The following ADAMTSL1 variants were observed in gnomAD, a reference collection of about 807,000 sequenced individuals.
ADAMTSL1 encodes the protein ADAMTS-like protein 1.
A neutral mutation model predicts 201.8 loss-of-function variants in ADAMTSL1; 126 were observed. The observed-to-expected ratio is 0.62, with a 90% CI of 0.54 to 0.72. ADAMTSL1 has a LOEUF of 0.72. ADAMTSL1 is among the 30% of genes least tolerant of loss of function. The pLI, the probability that ADAMTSL1 is intolerant of heterozygous loss-of-function variation, is 0.00. For missense variants in ADAMTSL1, 2,679 were observed against 2,277.8 expected, an observed-to-expected ratio of 1.18 and a Z score of -3.59; for synonymous variants, 1,121 against 903.4, an observed-to-expected ratio of 1.24 and a Z score of -4.32.
intron 5 of ADAMTSL1, chr9:18,622,737 T>C: frequency 5.3e-6 from 2 of 377,250 alleles, no homozygotes; most frequent in Non-Finnish European, 4.7e-6. Flanking sequence ...AGTGGGAAGA[T>C]AGCACAAATT....
At chr9:18,382,221 A>G (rs1273843451) in intron 2 of ADAMTSL1, among the ~76,000 whole-genome samples, 1 of 152,160 alleles carries the variant, frequency 6.6e-6, no homozygotes, top group Non-Finnish European at 1.5e-5. Context: ...TGGCAAATAC[A>G]AAAGGGTGGC....
At chr9:18,539,287 T>A (rs958051482) in intron 3 of ADAMTSL1, among the ~76,000 whole-genome samples, 3 of 152,190 alleles carry the variant, frequency 2.0e-5, no homozygotes, top group African/African-American at 7.2e-5. Flanking sequence ...CAGCCTGCCC[T>A]TGGGGGAAGT....
Position 18,044,632 on chromosome 9 carries a change from A to G in ADAMTSL1, c.88-119230A>G, listed in dbSNP as rs553653791. 7.9e-5 allele frequency among the ~76,000 whole-genome samples: 12 copies of G among 152,314 alleles called. No individual in the cohort carries two copies. The South Asian group carries it at 2.3e-3, about 29-fold the overall frequency. On this transcript the variant is annotated intron_variant, in intron 1 of 29. Transcript: ENST00000680146. ...TTCAAAGATAAGGAAAACAGTGGATATAGATACATTTGAGTTCAAACTGCC... is the reference window on the plus strand; with the variant it reads ...TTCAAAGATAAGGAAAACAGTGGATGTAGATACATTTGAGTTCAAACTGCC...
At chr9:18,106,594 A>C (rs1376333333) in intron 1 of ADAMTSL1, among the ~76,000 whole-genome samples, 1 of 152,242 alleles carries the variant, frequency 6.6e-6, no homozygotes, top group African/African-American at 2.4e-5. Flanking sequence ...AACTAGAGCC[A>C]ATTCACAATT....
intron 2 of ADAMTSL1, among the ~76,000 whole-genome samples, chr9:18,378,629 C>T (rs546565578): frequency 6.6e-6 from 1 of 152,274 alleles, no homozygotes; most frequent in South Asian, 2.1e-4. Flanking sequence ...AGCCTTTCTC[C>T]TCCTCTACCT....
chr9:18,485,514 G>A (rs1821945592), intron 1 of ADAMTSL1, among the ~76,000 whole-genome samples: 1 of 152,220 alleles, frequency 6.6e-6, no homozygotes, highest in Admixed American at 6.5e-5. Flanking sequence ...CAGAGCAGAG[G>A]ATATGAGTTT....
chr9:18,667,801 C>G (rs530803822), intron 9 of ADAMTSL1, among the ~76,000 whole-genome samples: 1 of 152,204 alleles, frequency 6.6e-6, no homozygotes, highest in Non-Finnish European at 1.5e-5. Context: ...CTGTATGGGT[C>G]TAGAAAGATG....
At chr9:17,952,917 C>CCTCCTCCTCCTCCTCCT (rs1827784270) in intron 1 of ADAMTSL1, among the ~76,000 whole-genome samples, 1 of 145,994 alleles carries the variant, frequency 6.8e-6, no homozygotes, top group Non-Finnish European at 1.5e-5. Flanking sequence ...TTCCTCCTTT[C>CCTCCTCCTCCTCCTCCT]CCTCCTCCTC....
At chr9:18,038,743 C>T (rs1209455638) in intron 1 of ADAMTSL1, among the ~76,000 whole-genome samples, 1 of 152,180 alleles carries the variant, frequency 6.6e-6, no homozygotes, top group Non-Finnish European at 1.5e-5. Context: ...ACCAACTTTT[C>T]ACATGAAGTT....
intron 1 of ADAMTSL1, among the ~76,000 whole-genome samples, chr9:18,009,481 G>A (rs1232910803): frequency 2.0e-5 from 3 of 152,020 alleles, no homozygotes; most frequent in African/African-American, 4.8e-5. Context: ...GCCTGGTGCA[G>A]GGCCAATTAA....
intron 1 of ADAMTSL1, among the ~76,000 whole-genome samples, chr9:17,985,745 T>C (rs1384439174): frequency 6.6e-6 from 1 of 152,146 alleles, no homozygotes; most frequent in Non-Finnish European, 1.5e-5. Flanking sequence ...TCCTTTCATT[T>C]TATAAATGAG....
intron 13 of ADAMTSL1, among the ~76,000 whole-genome samples, chr9:18,699,460 G>A (rs1183984238): frequency 6.6e-6 from 1 of 151,794 alleles, no homozygotes; most frequent in Non-Finnish European, 1.5e-5. Context: ...TGGTCACTGG[G>A]ACTACAGGTG....
intron 23 of ADAMTSL1, among the ~76,000 whole-genome samples, chr9:18,834,981 C>A (rs1227291864): frequency 6.6e-6 from 1 of 152,072 alleles, no homozygotes; most frequent in Non-Finnish European, 1.5e-5. Flanking sequence ...TGGTTAAACA[C>A]CTAGGAGTGA....
At chr9:18,220,906 C>G (rs180846306) in intron 2 of ADAMTSL1, among the ~76,000 whole-genome samples, 54 of 152,024 alleles carry the variant, frequency 3.6e-4, no homozygotes, top group African/African-American at 1.2e-3. Context: ...TCCCAAGTAG[C>G]TGGGACTACG....
chr9:18,595,972 A>G lies in ADAMTSL1; in HGVS notation c.474+21706A>G, dbSNP rs925446904. Among the ~76,000 whole-genome samples, 15 of 152,166 alleles carry G rather than the reference A, an allele frequency of 9.9e-5. 1 individual carries two copies. The highest frequency in any genetic ancestry group is 3.4e-4 in the African/African-American group (14 of 41,456). ...TATCTGAATTCCAAGGCTCAAACAGAGAGACTTTTTACTGTGGATAGGTGC... is the reference window on the plus strand; with the variant it reads ...TATCTGAATTCCAAGGCTCAAACAGGGAGACTTTTTACTGTGGATAGGTGC... On this transcript the variant is annotated intron_variant, in intron 4 of 28. Coordinates refer to ENST00000380548, the MANE Select transcript of ADAMTSL1 (RefSeq NM_001040272.6).
chr9:18,285,288 C>A (rs1832950698), intron 2 of ADAMTSL1, among the ~76,000 whole-genome samples: 1 of 152,026 alleles, frequency 6.6e-6, no homozygotes, highest in Non-Finnish European at 1.5e-5. Context: ...ATTCCCTGTG[C>A]TATGCTGAAT....
chr9:18,724,670 A>T (rs190753535), intron 15 of ADAMTSL1, among the ~76,000 whole-genome samples: 1 of 152,270 alleles, frequency 6.6e-6, no homozygotes, highest in African/African-American at 2.4e-5. Flanking sequence ...ATAATGTTTG[A>T]CACATAGTAG....
chr9:18,726,221 G>T lies in ADAMTSL1; in HGVS notation c.2006+4556G>T, dbSNP rs544869317. 3.9e-5 allele frequency among the ~76,000 whole-genome samples: 6 copies of T among 152,280 alleles called. No individual in the cohort carries two copies. In the East Asian group the frequency reaches 1.2e-3, roughly 29 times the overall value. ...CTAAAGTCTTAATACTTAAGCTTCA[G>T]TCTGGGCGTGGTGGCTCACACCTGT... On this transcript the variant is annotated intron_variant, in intron 15 of 28. Transcript: ENST00000380548.
At chr9:18,126,944 G>A (rs551356021) in intron 1 of ADAMTSL1, among the ~76,000 whole-genome samples, 6 of 152,220 alleles carry the variant, frequency 3.9e-5, no homozygotes, top group Admixed American at 1.3e-4. Flanking sequence ...AAGCATCATC[G>A]TAACCAGTAT....
Sources: gnomAD v4.1 joint callset for allele counts (sites outside exome capture counted in the v4.1 genomes callset) on GRCh38, gnomAD v4.1.1 for gene constraint, MANE v1.5 for transcripts, NCBI Gene and HGNC (gene_info 2026-07-23, HGNC 2026-07-21) for gene names.